The following STARD13 variants were observed in gnomAD, a reference collection of about 807,000 sequenced individuals.
STARD13 encodes the protein stAR-related lipid transfer protein 13.
A neutral mutation model predicts 106.4 loss-of-function variants in STARD13; 62 were observed. That is an observed-to-expected ratio of 0.58 (90% CI 0.48 to 0.72). The LOEUF (loss-of-function observed/expected upper bound fraction) is 0.72, where lower values mean the gene tolerates loss of function less well. Among genes scored for constraint, STARD13 ranks in the 30% least tolerant of loss-of-function variants. STARD13 has a pLI of 0.00. For missense variants in STARD13, 1,387 were observed against 1,424.0 expected, an observed-to-expected ratio of 0.97 and a Z score of 0.42; for synonymous variants, 565 against 553.0, an observed-to-expected ratio of 1.02 and a Z score of -0.31.
the STARD13 span, among the ~76,000 whole-genome samples, chr13:33,628,746 A>G: frequency 6.6e-6 from 1 of 152,188 alleles, no homozygotes; most frequent in Admixed American, 6.5e-5. Context: ...GAGGCACCGC[A>G]TTGTAGGGGA....
At chr13:33,282,573 G>A (rs1232335935) in intron 1 of STARD13, among the ~76,000 whole-genome samples, 2 of 152,178 alleles carry the variant, frequency 1.3e-5, no homozygotes, top group Admixed American at 1.3e-4. Flanking sequence ...AAGTAATGAT[G>A]TCTTAAATCA....
the STARD13 span, among the ~76,000 whole-genome samples, chr13:33,366,638 A>G: frequency 2.6e-5 from 4 of 152,180 alleles, no homozygotes; most frequent in East Asian, 1.9e-4. The surrounding 1 kb of genome is among the most constrained non-coding windows in gnomAD (Gnocchi z 4.2). Flanking sequence ...GATTCTGGGA[A>G]GTTTCCCCCT....
the STARD13 span, among the ~76,000 whole-genome samples, chr13:33,564,638 T>C: frequency 6.8e-6 from 1 of 147,184 alleles, no homozygotes; most frequent in South Asian, 2.1e-4. Context: ...TGAGTGTCCA[T>C]CAGTGAATGA....
chr13:33,455,023 C>T, the STARD13 span, among the ~76,000 whole-genome samples: 47 of 152,240 alleles, frequency 3.1e-4, no homozygotes, highest in Admixed American at 2.0e-3. Context: ...GGCTTTTGTT[C>T]AAAGATATGT....
chr13:33,114,265 G>A (rs78020755), intron 8 of STARD13, among the ~76,000 whole-genome samples: 19,905 of 152,198 alleles, frequency 0.13, 1,691 homozygotes, highest in East Asian at 0.31. Flanking sequence ...GTGACCTTCT[G>A]AGGGGGTCCT....
chr13:33,620,244 A>T, the STARD13 span, among the ~76,000 whole-genome samples: 4 of 152,110 alleles, frequency 2.6e-5, no homozygotes, highest in Admixed American at 2.6e-4. Flanking sequence ...TTCAAAAAAC[A>T]GTATACCCAA....
the STARD13 span, among the ~76,000 whole-genome samples, chr13:33,675,715 T>A: frequency 9.9e-5 from 15 of 152,038 alleles, no homozygotes; most frequent in East Asian, 2.9e-3. Context: ...AGGAGGAGAG[T>A]AGGAACATGT....
Position 33,303,870 on chromosome 13 carries a change from G to A in STARD13, c.124+46420C>T, listed in dbSNP as rs139600131. Among the ~76,000 whole-genome samples, 1,106 of 152,256 alleles carry A rather than the reference G, an allele frequency of 7.3e-3. 5 individuals are homozygous for A. The highest frequency in any genetic ancestry group is 0.013 in the Non-Finnish European group (889 of 68,006). On this transcript the variant is annotated intron_variant, in intron 1 of 5. Coordinates refer to the STARD13 transcript ENST00000567873. ...CCTGGAAACCTCACCTAGGACCCTGGGGCAGCAGGACTCTTAGGAGACTTC... is the reference window on the plus strand; with the variant it reads ...CCTGGAAACCTCACCTAGGACCCTGAGGCAGCAGGACTCTTAGGAGACTTC...
At chr13:33,147,451 G>C (rs1880703687) in intron 3 of STARD13, among the ~76,000 whole-genome samples, 1 of 152,198 alleles carries the variant, frequency 6.6e-6, no homozygotes, top group Non-Finnish European at 1.5e-5. Flanking sequence ...GCTCAGCAAA[G>C]ACTGAGGGAT....
At chr13:33,341,026 A>G (rs1453341751) in intron 1 of STARD13, among the ~76,000 whole-genome samples, 1 of 152,184 alleles carries the variant, frequency 6.6e-6, no homozygotes, top group Non-Finnish European at 1.5e-5. Flanking sequence ...TTGTCCTTCA[A>G]CTCAACTCTT....
chr13:33,140,766 CTT>C (rs1231426601), intron 4 of STARD13, among the ~76,000 whole-genome samples: 9 of 142,816 alleles, frequency 6.3e-5, no homozygotes, highest in Non-Finnish European at 4.5e-5. Context: ...TCTTTTCTTT[CTT>C]TTTTTTTTTT....
the STARD13 span, among the ~76,000 whole-genome samples, chr13:33,584,648 A>G: frequency 2.0e-5 from 3 of 152,270 alleles, no homozygotes; most frequent in Non-Finnish European, 2.9e-5. Context: ...TTTGATTTTA[A>G]ATGCTGAATT....
chr13:33,465,563 C>T, the STARD13 span, among the ~76,000 whole-genome samples: 1 of 152,102 alleles, frequency 6.6e-6, no homozygotes, highest in Non-Finnish European at 1.5e-5. Flanking sequence ...GATAATGTTC[C>T]TCCCCATTGC....
At chr13:33,557,386 A>G in the STARD13 span, among the ~76,000 whole-genome samples, 10 of 152,096 alleles carry the variant, frequency 6.6e-5, no homozygotes, top group Admixed American at 5.2e-4. Flanking sequence ...TAAATCTGGG[A>G]AAAAAATCTC....
chr13:33,164,630 T>G (rs1231906225), intron 3 of STARD13, among the ~76,000 whole-genome samples: 1 of 152,220 alleles, frequency 6.6e-6, no homozygotes, highest in African/African-American at 2.4e-5. Context: ...TTCAGGAATA[T>G]AGCTTTTCCT....
the STARD13 span, among the ~76,000 whole-genome samples, chr13:33,413,359 A>G: frequency 1.3e-5 from 2 of 152,076 alleles, no homozygotes; most frequent in East Asian, 1.9e-4. Context: ...GAATCTAGGG[A>G]AAAAAAGCAA....
intron 1 of STARD13, among the ~76,000 whole-genome samples, chr13:33,226,028 A>G (rs1013647148): frequency 5.3e-5 from 8 of 152,228 alleles, no homozygotes; most frequent in African/African-American, 1.9e-4. Context: ...AAGAAGAGAC[A>G]TCAGAGAGCT....
the STARD13 span, among the ~76,000 whole-genome samples, chr13:33,588,959 GAC>G: frequency 6.6e-6 from 1 of 152,174 alleles, no homozygotes; most frequent in Admixed American, 6.5e-5. Flanking sequence ...GTAAGAGACA[GAC>G]ACATATAATT....
intron 1 of STARD13, among the ~76,000 whole-genome samples, chr13:33,270,258 A>T (rs1891093699): frequency 6.6e-6 from 1 of 152,168 alleles, no homozygotes; most frequent in African/African-American, 2.4e-5. Context: ...AAAACAAAAC[A>T]AAACAGCACA....
Sources: gnomAD v4.1 joint callset for allele counts (sites outside exome capture counted in the v4.1 genomes callset) on GRCh38, gnomAD v4.1.1 for gene constraint, Gnocchi (gnomAD v3.1) non-coding constraint, MANE v1.5 for transcripts, NCBI Gene and HGNC (gene_info 2026-07-23, HGNC 2026-07-21) for gene names.